ACOT7: variants seen among roughly 807,000 people sequenced by gnomAD.
The protein encoded by ACOT7 is cytosolic acyl coenzyme A thioester hydrolase.
Under a neutral mutation model 40.2 loss-of-function variants are expected in ACOT7, and 12 were observed. That is an observed-to-expected ratio of 0.30 (90% CI 0.19 to 0.48). The LOEUF (loss-of-function observed/expected upper bound fraction) is 0.48. Among genes scored for constraint, ACOT7 ranks in the 20% least tolerant of loss-of-function variants. The pLI is 0.99. For missense variants in ACOT7, 395 were observed against 530.8 expected (o/e 0.74, Z 2.51); for synonymous variants, 228 against 219.5 (o/e 1.04, Z -0.34).
chr1:6,359,617 C>T lies in ACOT7; in HGVS notation c.144-9751G>A, dbSNP rs1306795863. Among the ~76,000 whole-genome samples, 1 of 152,232 alleles carries T rather than the reference C, an allele frequency of 6.6e-6. No individual in the cohort carries two copies. Among genetic ancestry groups the T allele is most frequent in the African/African-American group, 2.4e-5 (1 of 41,460 alleles). ...CCAACCCGTACTCTCTTCACTCCGCCTCCCCTTCTACTGGGTGTCAGGAAG... is the reference window on the plus strand; with the variant it reads ...CCAACCCGTACTCTCTTCACTCCGCTTCCCCTTCTACTGGGTGTCAGGAAG... On this transcript the variant is annotated intron_variant, in intron 1 of 8. Transcript: ENST00000361521. The surrounding 1 kb of genome is among the most constrained non-coding windows in gnomAD (Gnocchi z 4.1).
At chr1:6,347,583 G>A (rs762584385) in intron 2 of ACOT7, among the ~76,000 whole-genome samples, 13 of 152,124 alleles carry the variant, frequency 8.5e-5, no homozygotes, top group South Asian at 2.1e-4. Flanking sequence ...TGGCCAACAC[G>A]GTGAAACCCC....
chr1:6,297,605 T>C (rs1639845163), intron 6 of ACOT7, among the ~76,000 whole-genome samples: 1 of 152,190 alleles, frequency 6.6e-6, no homozygotes, highest in Non-Finnish European at 1.5e-5. Context: ...GCACGCATCT[T>C]GTGGGCATCT....
At position 6,299,273 on chromosome 1, in the gene ACOT7, T is replaced by A. The variant is rs1639898366; in HGVS notation, c.713-4293A>T. 6.6e-6 allele frequency among the ~76,000 whole-genome samples: 1 copy of A among 152,244 alleles called. No homozygotes were observed. The highest frequency in any genetic ancestry group is 1.9e-4 in the East Asian group (1 of 5,194). On this transcript the variant is annotated intron_variant, in intron 6 of 8. Transcript: ENST00000361521. This position sits in a 1 kb window ranked among gnomAD's most constrained non-coding sequence, Gnocchi z 4.1. ...AGCAATGGCAGCTGCTATCATGGGATGTGGGGATTTGGTGGACATCTGTTG... is the reference window on the plus strand; with the variant it reads ...AGCAATGGCAGCTGCTATCATGGGAAGTGGGGATTTGGTGGACATCTGTTG...
At chr1:6,280,788 G>A (rs1008345201) in intron 8 of ACOT7, among the ~76,000 whole-genome samples, 1 of 152,210 alleles carries the variant, frequency 6.6e-6, no homozygotes, top group Non-Finnish European at 1.5e-5. Flanking sequence ...GGACGCCCAG[G>A]CAGCAGCCAT....
At chr1:6,390,699 G>T (rs944608290) in intron 1 of ACOT7, among the ~76,000 whole-genome samples, 3 of 151,908 alleles carry the variant, frequency 2.0e-5, no homozygotes, top group Non-Finnish European at 4.4e-5. Context: ...ACTTTGGGAG[G>T]CCGAGGCGGG....
At chr1:6,318,470 G>A in intron 6 of ACOT7, 22 bp downstream of exon 6, 1 of 1,610,324 alleles carries the variant, frequency 6.2e-7, no homozygotes, top group Non-Finnish European at 8.5e-7. Context: ...GGAATGGAGT[G>A]GCCAGGGCGC....
chr1:6,354,761 C>A (rs1641696457), intron 1 of ACOT7, among the ~76,000 whole-genome samples: 1 of 69,402 alleles, frequency 1.4e-5, no homozygotes, highest in African/African-American at 5.9e-5. Context: ...ATGGCCTCTA[C>A]ACTGGCCTCT....
At chr1:6,385,243 G>T (rs1431402365) in intron 1 of ACOT7, among the ~76,000 whole-genome samples, 1 of 151,766 alleles carries the variant, frequency 6.6e-6, no homozygotes, top group East Asian at 1.9e-4. Flanking sequence ...CACAGCCCAG[G>T]GTTGCCAGGT....
rs1267543752 is a variant in ACOT7 at position 6,355,843 on chromosome 1, G to A, written c.144-5977C>T. On this transcript the variant is annotated intron_variant, in intron 1 of 8. Coordinates refer to ENST00000361521, the MANE Select transcript of ACOT7 (RefSeq NM_007274.4). This position sits in a 1 kb window ranked among gnomAD's most constrained non-coding sequence, Gnocchi z 5.0. ...CCCGAGCCTGTTCCGCAGCGGGAGT[G>A]AGGCGCCTGGAACAATTGAGGGGAG... Among the ~76,000 whole-genome samples, 2 of 152,154 alleles carry A rather than the reference G, an allele frequency of 1.3e-5. No individual in the cohort carries two copies. Among genetic ancestry groups the A allele is most frequent in the Non-Finnish European group, 2.9e-5 (2 of 68,026 alleles).
rs1339848137 is a variant in ACOT7, at chr1:6,302,762, G to A, written c.713-7782C>T. ...TGTAGGGCCTCGTGCCAAGCCTGCT[G>A]GTTACCTGCCACCGAGAGAGAGCAA... On this transcript the variant is annotated intron_variant, in intron 6 of 8. Coordinates refer to ENST00000361521, the MANE Select transcript of ACOT7 (RefSeq NM_007274.4). Among the ~76,000 whole-genome samples, 5 of 149,436 alleles carry A rather than the reference G, an allele frequency of 3.3e-5. No homozygotes were observed. The South Asian group carries it at 8.6e-4, about 26-fold the overall frequency.
rs78630437 is a variant in ACOT7, at chr1:6,307,261, G to A, written c.712+11231C>T. 9.5e-3 allele frequency among the ~76,000 whole-genome samples: 1,451 copies of A among 152,336 alleles called. 9 individuals are homozygous for A. The highest frequency in any genetic ancestry group is 0.017 in the Non-Finnish European group (1,139 of 68,030). ...TACGTGTTTCTCACGTGCAGCGCAC[G>A]TGCAGCCTGGCACAATCCTCTGGGT... On this transcript the variant is annotated intron_variant, in intron 6 of 8. Transcript: ENST00000361521.
intron 1 of ACOT7, among the ~76,000 whole-genome samples, chr1:6,392,133 C>T (rs1250910388): frequency 6.6e-6 from 1 of 152,078 alleles, no homozygotes; most frequent in Non-Finnish European, 1.5e-5. Context: ...CGCCATAGAC[C>T]CAGGACTTGC....
chr1:6,267,266 T>C (rs1311969900), intron 8 of ACOT7, among the ~76,000 whole-genome samples: 2 of 152,194 alleles, frequency 1.3e-5, no homozygotes, highest in Admixed American at 6.5e-5. Context: ...GGTCCCCAAG[T>C]GCCTGAGTCC....
At chr1:6,319,303 G>A (rs1461946862) in intron 5 of ACOT7, among the ~76,000 whole-genome samples, 1 of 152,096 alleles carries the variant, frequency 6.6e-6, no homozygotes, top group Non-Finnish European at 1.5e-5. Flanking sequence ...AGCAATTCTT[G>A]TGCCTCAGCC....
chr1:6,293,073 T>G (rs2148393758), intron 7 of ACOT7, among the ~76,000 whole-genome samples: 1 of 152,162 alleles, frequency 6.6e-6, no homozygotes, highest in East Asian at 1.9e-4. Context: ...GTATTTTTAG[T>G]AGAGACAGGT....
Position 6,349,749 on chromosome 1 carries a change from C to A in ACOT7, c.261G>T (p.Gly87=). 2 of 1,612,602 alleles carry A rather than the reference C, an allele frequency of 1.2e-6. No individual in the cohort carries two copies. ...ISTRHCNSQN[G]ERCVAALARV... is the part of the protein sequence containing the mutation. ...AGAGGTATGGGGCCCAGACCCTTACCCCGTTCTGGCTGTTGCAATGCCGGG... is the reference window on the plus strand; with the variant it reads ...AGAGGTATGGGGCCCAGACCCTTACACCGTTCTGGCTGTTGCAATGCCGGG... Residue 87 remains glycine, a splice_region_variant and synonymous_variant, in exon 2 of 9, where the codon GGG becomes GGT. Coordinates refer to ENST00000361521, the MANE Select transcript of ACOT7 (RefSeq NM_007274.4).
intron 3 of ACOT7, among the ~76,000 whole-genome samples, chr1:6,335,310 A>G (rs1571318555): frequency 7.4e-6 from 1 of 134,826 alleles, no homozygotes; most frequent in East Asian, 2.2e-4. Flanking sequence ...CTGGGCAACG[A>G]GAGCAAAACT....
intron 6 of ACOT7, among the ~76,000 whole-genome samples, chr1:6,303,633 G>A (rs1005247045): frequency 5.3e-5 from 8 of 152,188 alleles, no homozygotes; most frequent in South Asian, 2.1e-4. Context: ...CTGACGGAGC[G>A]TGGGCGCCGG....
intron 1 of ACOT7, among the ~76,000 whole-genome samples, chr1:6,350,826 C>T (rs1462781175): frequency 6.6e-6 from 1 of 152,220 alleles, no homozygotes; most frequent in Non-Finnish European, 1.5e-5. Flanking sequence ...CTGAGCAAGT[C>T]ACTCTCCAAG....
Sources: allele counts gnomAD v4.1 joint callset (sites outside exome capture counted in the v4.1 genomes callset), GRCh38; gene constraint gnomAD v4.1.1; non-coding constraint Gnocchi (gnomAD v3.1); transcripts MANE v1.5; gene names NCBI Gene and HGNC (gene_info 2026-07-23, HGNC 2026-07-21).